GRID2: variants seen among roughly 807,000 people sequenced by gnomAD.
The protein encoded by GRID2 is glutamate receptor ionotropic, delta-2.
A neutral mutation model predicts 114.8 loss-of-function variants in GRID2; 33 were observed. The ratio of observed to expected loss-of-function variants is 0.29; its 90% CI spans 0.22 to 0.38. GRID2 has a LOEUF of 0.38. GRID2 is among the 10% of genes least tolerant of loss of function. The probability of loss-of-function intolerance (pLI) is 1.00; values close to 1 mark genes in which losing one functional copy is unlikely to be tolerated. For missense variants in GRID2, 1,184 were observed against 1,257.7 expected (o/e 0.94, Z 0.89); for synonymous variants, 505 against 449.9 (o/e 1.12, Z -1.55).
At chr4:92,975,283 A>G (rs1373739254) in intron 2 of GRID2, among the ~76,000 whole-genome samples, 1 of 151,894 alleles carries the variant, frequency 6.6e-6, no homozygotes, top group Non-Finnish European at 1.5e-5. Context: ...ATTTTATATT[A>G]ATACTTTTTT....
At chr4:93,361,167 C>T (rs1198929678) in intron 8 of GRID2, among the ~76,000 whole-genome samples, 1 of 151,826 alleles carries the variant, frequency 6.6e-6, no homozygotes, top group African/African-American at 2.4e-5. Context: ...TCAAGAGAAC[C>T]TTATAAGGTA....
intron 2 of GRID2, among the ~76,000 whole-genome samples, chr4:93,076,779 G>A (rs192027437): frequency 1.3e-5 from 2 of 151,554 alleles, no homozygotes; most frequent in African/African-American, 4.9e-5. Flanking sequence ...TACCATTCCC[G>A]GCTAATTTTT....
chr4:93,206,619 CACACACACACGCAT>C (rs1370079566), intron 4 of GRID2, among the ~76,000 whole-genome samples: 2 of 151,768 alleles, frequency 1.3e-5, no homozygotes, highest in African/African-American at 4.8e-5. Flanking sequence ...CACACACACA[CACACACACACGCAT>C]GCACACATCT....
chr4:92,941,416 C>G (rs561073614), intron 2 of GRID2, among the ~76,000 whole-genome samples: 2 of 152,016 alleles, frequency 1.3e-5, no homozygotes, highest in Non-Finnish European at 2.9e-5. Context: ...GTGGTGATAT[C>G]CCCTTTATCA....
At chr4:93,728,478 G>A (rs1203024872) in intron 14 of GRID2, among the ~76,000 whole-genome samples, 1 of 152,152 alleles carries the variant, frequency 6.6e-6, no homozygotes, top group East Asian at 1.9e-4. Flanking sequence ...TTGGGGTGGA[G>A]AGTTCTGTAG....
chr4:92,395,283 A>G (rs1479399632), intron 1 of GRID2, among the ~76,000 whole-genome samples: 1 of 151,672 alleles, frequency 6.6e-6, no homozygotes, highest in Non-Finnish European at 1.5e-5. Flanking sequence ...TGATTTATGT[A>G]CCCTTTGATC....
In GRID2 at chr4:92,691,169, G is replaced by C. The variant is rs574243012; in HGVS notation, c.244+100883G>C. Among the ~76,000 whole-genome samples, 3 of 151,992 alleles carry C rather than the reference G, an allele frequency of 2.0e-5. No homozygotes were observed. The South Asian group carries it at 6.2e-4, about 32-fold the overall frequency. On this transcript the variant is annotated intron_variant, in intron 2 of 15. Coordinates refer to ENST00000282020, the MANE Select transcript of GRID2 (RefSeq NM_001510.4). ...TATTCTTCTAAGGTCTGATTAATTGGTACTGAGAAGAAATGATATTTTACT... is the reference window on the plus strand; with the variant it reads ...TATTCTTCTAAGGTCTGATTAATTGCTACTGAGAAGAAATGATATTTTACT...
intron 2 of GRID2, among the ~76,000 whole-genome samples, chr4:92,646,347 T>C (rs1731623162): frequency 6.6e-6 from 1 of 152,234 alleles, no homozygotes; most frequent in Non-Finnish European, 1.5e-5. Context: ...AGATACAATT[T>C]CTTGTTCAGT....
chr4:93,078,920 A>C (rs1455344354), intron 2 of GRID2, among the ~76,000 whole-genome samples: 2 of 147,244 alleles, frequency 1.4e-5, no homozygotes, highest in African/African-American at 2.5e-5. Context: ...TAAATTTTAT[A>C]TATAAATTTT....
intron 1 of GRID2, among the ~76,000 whole-genome samples, chr4:92,310,420 T>C (rs142675770): frequency 6.6e-6 from 1 of 152,020 alleles, no homozygotes; most frequent in African/African-American, 2.4e-5. Context: ...CCAAAGTTCA[T>C]TAATTATTGG....
At chr4:92,977,551 T>C (rs1753951729) in intron 2 of GRID2, among the ~76,000 whole-genome samples, 1 of 152,150 alleles carries the variant, frequency 6.6e-6, no homozygotes, top group Admixed American at 6.6e-5. Flanking sequence ...GAAATGGGAA[T>C]CCTCTAAAGA....
intron 2 of GRID2, among the ~76,000 whole-genome samples, chr4:93,076,569 TA>T (rs1729323048): frequency 6.6e-6 from 1 of 151,582 alleles, no homozygotes; most frequent in Non-Finnish European, 1.5e-5. Flanking sequence ...GATGCAGTAT[TA>T]CTAACTGAGC....
chr4:92,676,916 G>A (rs1407141042), intron 2 of GRID2, among the ~76,000 whole-genome samples: 1 of 152,072 alleles, frequency 6.6e-6, no homozygotes, highest in African/African-American at 2.4e-5. Context: ...TGTGCTATAT[G>A]CATATAATGC....
intron 12 of GRID2, among the ~76,000 whole-genome samples, chr4:93,514,702 C>T (rs374836794): frequency 3.9e-5 from 6 of 152,158 alleles, no homozygotes; most frequent in African/African-American, 7.2e-5. Flanking sequence ...AATTGTCTGA[C>T]GTGTGTATTC....
chr4:92,455,033 A>G (rs1175119742), intron 1 of GRID2, among the ~76,000 whole-genome samples: 4 of 152,186 alleles, frequency 2.6e-5, no homozygotes, highest in Non-Finnish European at 5.9e-5. Flanking sequence ...ATGTTTTACA[A>G]CTTCATGATT....
intron 1 of GRID2, among the ~76,000 whole-genome samples, chr4:92,318,857 C>T (rs1252478083): frequency 1.3e-5 from 2 of 152,026 alleles, no homozygotes; most frequent in African/African-American, 4.8e-5. Flanking sequence ...TTCAACAATC[C>T]AGTTGCCTTT....
chr4:92,431,407 G>C (rs564941280), intron 1 of GRID2, among the ~76,000 whole-genome samples: 1 of 151,910 alleles, frequency 6.6e-6, no homozygotes, highest in Non-Finnish European at 1.5e-5. Context: ...GTATCACATC[G>C]ATTTGCAAAT....
chr4:92,884,250 A>T (rs1746216149), intron 2 of GRID2, among the ~76,000 whole-genome samples: 1 of 152,146 alleles, frequency 6.6e-6, no homozygotes, highest in African/African-American at 2.4e-5. Context: ...TACCTCTCTC[A>T]GCCTTCATAG....
intron 2 of GRID2, among the ~76,000 whole-genome samples, chr4:92,930,125 C>T (rs1055594458): frequency 4.6e-5 from 7 of 151,196 alleles, no homozygotes; most frequent in Non-Finnish European, 5.9e-5. Context: ...CCGGAAGTCA[C>T]ACAAAGTAAA....
Sources: gnomAD v4.1 joint callset for allele counts (sites outside exome capture counted in the v4.1 genomes callset) on GRCh38, gnomAD v4.1.1 for gene constraint, MANE v1.5 for transcripts, NCBI Gene and HGNC (gene_info 2026-07-23, HGNC 2026-07-21) for gene names.